Variants in TRABD2B observed in about 807,000 individuals in gnomAD.
TRABD2B encodes the protein TraB domain containing 2B, also known as metalloprotease TIKI2.
Under a neutral mutation model 40.1 loss-of-function variants are expected in TRABD2B, and 14 were observed. The observed-to-expected ratio is 0.35, with a 90% CI of 0.23 to 0.55. The LOEUF is 0.55. Among genes scored for constraint, TRABD2B ranks in the 20% least tolerant of loss-of-function variants. The pLI is 0.90. For synonymous variants in TRABD2B, 263 were observed against 277.0 expected (o/e 0.95, Z 0.50); for missense variants, 541 against 648.6 (o/e 0.83, Z 1.80).
chr1:47,779,082 C>G (rs975108430), intron 4 of TRABD2B, among the ~76,000 whole-genome samples: 1 of 152,210 alleles, frequency 6.6e-6, no homozygotes. Context: ...TCTGTGTGTT[C>G]ATGTGGGCCT....
intron 2 of TRABD2B, among the ~76,000 whole-genome samples, chr1:47,937,922 T>C (rs1645135392): frequency 6.6e-6 from 1 of 152,350 alleles, no homozygotes; most frequent in Non-Finnish European, 1.5e-5. Flanking sequence ...ATGTCTGTCA[T>C]GACTTCCTTG....
At chr1:47,823,694 G>A (rs1033911146) in intron 2 of TRABD2B, among the ~76,000 whole-genome samples, 12 of 152,316 alleles carry the variant, frequency 7.9e-5, no homozygotes, top group African/African-American at 1.9e-4. Context: ...CGGCTGAACA[G>A]GAAGGCAGAG....
Position 47,947,519 on chromosome 1 carries a change from G to C in TRABD2B, c.666+46515C>G, listed in dbSNP as rs114471980. ...GCATAAACAGAGAGGCTGAAGGCAA[G>C]GAAGAGATTAATTATGACTTGGGCA... On this transcript the variant is annotated intron_variant, in intron 2 of 6. Coordinates refer to ENST00000606738, the MANE Select transcript of TRABD2B (RefSeq NM_001194986.2). Among the ~76,000 whole-genome samples the C allele has an allele frequency of 6.5e-3, 992 of 152,206 alleles. 11 individuals carry two copies. The highest frequency in any genetic ancestry group is 0.021 in the African/African-American group (889 of 41,514).
At chr1:47,918,133 T>A (rs1644854023) in intron 2 of TRABD2B, among the ~76,000 whole-genome samples, 1 of 152,240 alleles carries the variant, frequency 6.6e-6, no homozygotes, top group Admixed American at 6.5e-5. Flanking sequence ...CAGCCTGCTG[T>A]GGTTCCTTGA....
chr1:47,938,287 C>G (rs1645140487), intron 2 of TRABD2B, among the ~76,000 whole-genome samples: 1 of 152,196 alleles, frequency 6.6e-6, no homozygotes, highest in African/African-American at 2.4e-5. Flanking sequence ...AGCAGAGAGG[C>G]CAAGCAAGAG....
chr1:47,782,363 G>C (rs1477993559), intron 4 of TRABD2B, among the ~76,000 whole-genome samples: 3 of 152,268 alleles, frequency 2.0e-5, no homozygotes, highest in South Asian at 2.1e-4. Context: ...AATCACTGCA[G>C]AAACTGCTCT....
At chr1:47,872,955 A>C (rs1250228555) in intron 2 of TRABD2B, among the ~76,000 whole-genome samples, 2 of 152,136 alleles carry the variant, frequency 1.3e-5, no homozygotes, top group African/African-American at 4.8e-5. Context: ...TTTATTTCTC[A>C]CTGTTCTGGA....
At chr1:47,909,453 A>G (rs940919516) in intron 2 of TRABD2B, among the ~76,000 whole-genome samples, 1 of 139,946 alleles carries the variant, frequency 7.1e-6, no homozygotes, top group Non-Finnish European at 1.6e-5. Context: ...GAAGAAGAAG[A>G]AGGAGAAGGA....
chr1:47,891,801 CAAACAAAACA>C lies in TRABD2B; in HGVS notation c.667-90192_667-90183del, dbSNP rs71056644. Among the ~76,000 whole-genome samples the C allele has an allele frequency of 7.8e-3, 1,171 of 150,478 alleles. 10 individuals are homozygous for C. Among genetic ancestry groups the C allele is most frequent in the Middle Eastern group, 0.017 (5 of 294 alleles). ...TGGGCTACGGAGCAAGACCCAATTT[CAAACAAAACA>C]AAACAAAACAAAACAACAACAACAA... On this transcript the variant is annotated intron_variant, in intron 2 of 6. Transcript: ENST00000606738.
chr1:47,858,208 ATTTTATTTTATTTTAT>A (rs1448970740), intron 2 of TRABD2B, among the ~76,000 whole-genome samples: 283 of 1,686 alleles, frequency 0.17, no homozygotes, highest in African/African-American at 0.2. Flanking sequence ...ATTTTACTTT[ATTTTATTTTATTTTAT>A]TTTATTTTAT....
At chr1:47,891,562 T>C (rs1375393926) in intron 2 of TRABD2B, among the ~76,000 whole-genome samples, 2 of 152,256 alleles carry the variant, frequency 1.3e-5, no homozygotes, top group African/African-American at 4.8e-5. Flanking sequence ...TTTGGGAGGC[T>C]GAGGCAGGAA....
chr1:47,984,565 C>T (rs17103999), intron 2 of TRABD2B, among the ~76,000 whole-genome samples: 3,731 of 152,344 alleles, frequency 0.024, 115 homozygotes, highest in Admixed American at 0.088. Flanking sequence ...GCAGCATGGT[C>T]TCTCTCTAGT....
chr1:47,928,829 T>C (rs1245580767), intron 2 of TRABD2B, among the ~76,000 whole-genome samples: 1 of 152,236 alleles, frequency 6.6e-6, no homozygotes, highest in Non-Finnish European at 1.5e-5. Flanking sequence ...TTCACATGTC[T>C]GGATTCTGGT....
intron 2 of TRABD2B, among the ~76,000 whole-genome samples, chr1:47,933,990 C>T (rs775602978): frequency 1.3e-5 from 2 of 152,090 alleles, no homozygotes; most frequent in Non-Finnish European, 2.9e-5. Context: ...TCACAGATGG[C>T]TAAGGGTTGT....
At chr1:47,774,808 G>T (rs1005119449) in intron 6 of TRABD2B, among the ~76,000 whole-genome samples, 2 of 152,138 alleles carry the variant, frequency 1.3e-5, no homozygotes, top group Non-Finnish European at 2.9e-5. Flanking sequence ...ATGCCTTTTG[G>T]CTTAGCCAGC....
intron 2 of TRABD2B, among the ~76,000 whole-genome samples, chr1:47,962,227 G>T (rs1019434824): frequency 4.0e-5 from 6 of 151,368 alleles, no homozygotes; most frequent in Non-Finnish European, 7.4e-5. Context: ...GTGGGGGGAT[G>T]GGGGAGGGAT....
intron 2 of TRABD2B, among the ~76,000 whole-genome samples, chr1:47,955,020 C>A (rs571722031): frequency 6.6e-6 from 1 of 151,832 alleles, no homozygotes; most frequent in East Asian, 1.9e-4. Context: ...GAGTCCTTCA[C>A]ATTCACCTTG....
intron 2 of TRABD2B, among the ~76,000 whole-genome samples, chr1:47,812,301 T>C (rs1192250301): frequency 6.6e-6 from 1 of 152,154 alleles, no homozygotes; most frequent in Non-Finnish European, 1.5e-5. Flanking sequence ...GCACGGGTAA[T>C]TATAATGTGG....
At chr1:47,975,848 G>T (rs1044510971) in intron 2 of TRABD2B, among the ~76,000 whole-genome samples, 2 of 152,136 alleles carry the variant, frequency 1.3e-5, no homozygotes, top group Non-Finnish European at 2.9e-5. Flanking sequence ...TGCAGGAAGG[G>T]CCAGGCTGGA....
Sources: gnomAD v4.1 joint callset for allele counts (sites outside exome capture counted in the v4.1 genomes callset) on GRCh38, gnomAD v4.1.1 for gene constraint, MANE v1.5 for transcripts, NCBI Gene and HGNC (gene_info 2026-07-23, HGNC 2026-07-21) for gene names.